Variants in PTPRA observed in about 807,000 individuals in gnomAD.
PTPRA encodes the protein receptor-type tyrosine-protein phosphatase alpha.
In PTPRA, 25 loss-of-function variants were observed where a neutral mutation model predicts 104.8. That is an observed-to-expected ratio of 0.24 (90% CI 0.17 to 0.33). The LOEUF is 0.33. Ranked by LOEUF, PTPRA falls within the 10% of genes least tolerant of loss-of-function variation. The probability of loss-of-function intolerance (pLI) is 1.00; values close to 1 mark genes in which losing one functional copy is unlikely to be tolerated. For missense variants in PTPRA, 765 were observed against 1,015.3 expected (o/e 0.75, Z 3.35); for synonymous variants, 323 against 368.9 (o/e 0.88, Z 1.43).
rs117270574 is a variant in PTPRA at position 2,928,405 on chromosome 20, G to A, written c.-50+5120G>A. Among the ~76,000 whole-genome samples, 90 of 152,288 alleles carry A rather than the reference G, an allele frequency of 5.9e-4. 1 individual carries two copies. The East Asian group carries it at 0.014, about 24-fold the overall frequency. ...TTACAGGCGTGAGCCACCGTACCCA[G>A]CCTCTGGTGTCTGTTTTTAAGACCC... On this transcript the variant is annotated intron_variant, in intron 2 of 23. Transcript: ENST00000399903.
At position 2,988,486 on chromosome 20, in the gene PTPRA, G is replaced by GT. The variant is rs774915541; in HGVS notation, c.738+14dup. On this transcript the variant is annotated intron_variant, in intron 9 of 23. Transcript: ENST00000399903. ...GGGAGGAATTCAACGTGAGTACTTT[G>GT]TTGAGGCTGGTGTATCAGCAGGGAA... 1 of 1,611,140 alleles carries GT rather than the reference G, an allele frequency of 6.2e-7. No homozygotes were observed. The highest frequency in any genetic ancestry group is 2.2e-5 in the East Asian group (1 of 44,760).
chr20:2,947,890 C>A, intron 2 of PTPRA, 92 bp from the exon 3 acceptor site: 1 of 516,082 alleles, frequency 1.9e-6, no homozygotes, highest in Non-Finnish European at 3.2e-6. Context: ...ATAAAATTTG[C>A]CTATCGATAA....
intron 1 of PTPRA, among the ~76,000 whole-genome samples, chr20:2,882,335 G>T (rs2090103938): frequency 6.7e-6 from 1 of 150,352 alleles, no homozygotes; most frequent in East Asian, 1.9e-4. Flanking sequence ...TGTCACCCAG[G>T]CTGGAGTGCA....
intron 9 of PTPRA, among the ~76,000 whole-genome samples, chr20:2,992,774 A>G (rs1237913557): frequency 6.6e-6 from 1 of 152,204 alleles, no homozygotes; most frequent in East Asian, 1.9e-4. Flanking sequence ...CAGCAGGAGC[A>G]CTTTCTCTTT....
At chr20:2,910,480 C>CTTT (rs34928941) in intron 1 of PTPRA, among the ~76,000 whole-genome samples, 189 of 16,778 alleles carry the variant, frequency 0.011, 20 homozygotes, top group East Asian at 0.088. Flanking sequence ...TTTATATATA[C>CTTT]TTTTTTTTTT....
At chr20:2,906,311 C>T (rs2059426229) in intron 1 of PTPRA, among the ~76,000 whole-genome samples, 1 of 152,070 alleles carries the variant, frequency 6.6e-6, no homozygotes, top group Non-Finnish European at 1.5e-5. Flanking sequence ...GCCCTGAGTC[C>T]TATTTGTGTT....
chr20:2,911,346 A>G (rs144331209), intron 1 of PTPRA, among the ~76,000 whole-genome samples: 23 of 152,172 alleles, frequency 1.5e-4, no homozygotes, highest in African/African-American at 4.6e-4. Flanking sequence ...CTGATACTGC[A>G]TTCACTGAAG....
At chr20:2,981,815 C>T (rs2062685414) in intron 6 of PTPRA, among the ~76,000 whole-genome samples, 2 of 152,238 alleles carry the variant, frequency 1.3e-5, no homozygotes, top group Non-Finnish European at 2.9e-5. Context: ...TTTCCAGGCC[C>T]AAACTGGTAG....
chr20:2,965,684 G>A (rs1485528338), intron 5 of PTPRA, among the ~76,000 whole-genome samples: 1 of 152,190 alleles, frequency 6.6e-6, no homozygotes, highest in Non-Finnish European at 1.5e-5. Flanking sequence ...ACCATGGAAA[G>A]GAGAATGGAC....
rs147570386 is a variant in PTPRA at position 2,957,081 on chromosome 20, C to T, written c.-6-7191C>T. On this transcript the variant is annotated intron_variant, in intron 3 of 23. Transcript: ENST00000399903. ...CGGGCAGATCACGGGGTCAGGAGAT[C>T]GAGACCATCCTGGCCAACACAGTGA... Among the ~76,000 whole-genome samples, 873 of 152,208 alleles carry T rather than the reference C, an allele frequency of 5.7e-3. 6 individuals are homozygous for T. Among genetic ancestry groups the T allele is most frequent in the African/African-American group, 0.02 (831 of 41,528 alleles).
At chr20:2,985,464 G>T (rs933821287) in intron 6 of PTPRA, among the ~76,000 whole-genome samples, 8 of 152,206 alleles carry the variant, frequency 5.3e-5, no homozygotes, top group African/African-American at 1.9e-4. Flanking sequence ...CCTTTTAGCA[G>T]GTAGGAAAAT....
chr20:2,930,057 C>A (rs2060453406), intron 2 of PTPRA, among the ~76,000 whole-genome samples: 1 of 152,160 alleles, frequency 6.6e-6, no homozygotes. Context: ...TCTTGGACTT[C>A]TAGCCTGTAC....
Position 3,035,050 on chromosome 20 carries a change from A to T in PTPRA, c.1921-535A>T, listed in dbSNP as rs1039761387. Among the ~76,000 whole-genome samples the T allele has an allele frequency of 4.6e-5, 7 of 152,160 alleles. No homozygotes were observed. The highest frequency in any genetic ancestry group is 1.0e-4 in the Non-Finnish European group (7 of 68,028). On this transcript the variant is annotated intron_variant, in intron 20 of 23. Transcript: ENST00000399903. The surrounding 1 kb of genome is among the most constrained non-coding windows in gnomAD (Gnocchi z 5.8). ...GAGCCAGGTGCAAGCAAAGACAGACAGTAGACCACCTCCTGCTCACTAGCA... is the reference window on the plus strand; with the variant it reads ...GAGCCAGGTGCAAGCAAAGACAGACTGTAGACCACCTCCTGCTCACTAGCA...
At chr20:2,983,568 C>CAAAA (rs58694839) in intron 6 of PTPRA, among the ~76,000 whole-genome samples, 7 of 93,418 alleles carry the variant, frequency 7.5e-5, no homozygotes, top group Non-Finnish European at 1.3e-4. Flanking sequence ...AAAAAAAATG[C>CAAAA]AAAAAAAAAA....
intron 5 of PTPRA, among the ~76,000 whole-genome samples, chr20:2,969,330 C>CT (rs2062070085): frequency 6.6e-6 from 1 of 151,490 alleles, no homozygotes. Context: ...ATACTGCAAA[C>CT]TCTGCCTTCA....
At chr20:2,986,182 C>T (rs1237929975) in intron 6 of PTPRA, among the ~76,000 whole-genome samples, 3 of 152,118 alleles carry the variant, frequency 2.0e-5, no homozygotes, top group African/African-American at 7.2e-5. Context: ...GCTAGGATTA[C>T]AGGCATGAGC....
At chr20:2,900,066 C>T (rs1220316334) in intron 1 of PTPRA, among the ~76,000 whole-genome samples, 7 of 151,874 alleles carry the variant, frequency 4.6e-5, no homozygotes, top group African/African-American at 1.5e-4. Context: ...GCTGAGATAG[C>T]GCCACTGCAC....
chr20:2,879,040 A>G (rs1307867848), intron 1 of PTPRA, among the ~76,000 whole-genome samples: 1 of 152,194 alleles, frequency 6.6e-6, no homozygotes, highest in African/African-American at 2.4e-5. Context: ...AGCTGGGGAC[A>G]CCCCAGAGTA....
intron 2 of PTPRA, among the ~76,000 whole-genome samples, chr20:2,935,659 A>C (rs1052558718): frequency 1.3e-5 from 2 of 152,092 alleles, no homozygotes; most frequent in African/African-American, 4.8e-5. Context: ...TGTAAGCTCA[A>C]GTGATCTACT....
Sources: allele counts gnomAD v4.1 joint callset (sites outside exome capture counted in the v4.1 genomes callset), GRCh38; gene constraint gnomAD v4.1.1; non-coding constraint Gnocchi (gnomAD v3.1); transcripts MANE v1.5; gene names NCBI Gene and HGNC (gene_info 2026-07-23, HGNC 2026-07-21).